CARMIL2: variants seen among roughly 807,000 people sequenced by gnomAD.
The protein encoded by CARMIL2 is capping protein regulator and myosin 1 linker 2.
In CARMIL2, 96 loss-of-function variants were observed where a neutral mutation model predicts 173.3. The ratio of observed to expected loss-of-function variants is 0.55; its 90% confidence interval spans 0.47 to 0.66. The LOEUF (loss-of-function observed/expected upper bound fraction) is 0.66, where lower values mean the gene tolerates loss of function less well. Among genes scored for constraint, CARMIL2 ranks in the 30% least tolerant of loss-of-function variants. CARMIL2 has a pLI of 0.00. For synonymous variants in CARMIL2, 830 were observed against 817.1 expected (o/e 1.02, Z -0.27); for missense variants, 1,771 against 1,906.7 (o/e 0.93, Z 1.33).
In CARMIL2 at chr16:67,648,419, C is replaced by A. The variant is rs1264471081; in HGVS notation, c.1356C>A (p.Ala452=). ...CCAGGAAGTCCCGCGCCGCGCCGGC[C>A]GCGCTGCAGCTCTTCCTCAGCCGCG... ...FSRTKSRAAP[A]ALQLFLSRAR... The change falls in exon 15 of 38, where the codon GCC becomes GCA. Residue 452 remains alanine (A), a synonymous_variant. Transcript: ENST00000334583. The surrounding 1 kb of genome is among the most constrained non-coding windows in gnomAD (Gnocchi z 6.1). The A allele has an allele frequency of 6.6e-7, 1 of 1,519,046 alleles. No homozygotes were observed. The highest frequency in any genetic ancestry group is 1.2e-5 in the South Asian group (1 of 82,550). 94.1% of individuals were successfully genotyped at this position (1,519,046 alleles called of 1,614,324 possible).
chr16:67,648,428 G>C lies in CARMIL2; in HGVS notation c.1365G>C (p.Gln455His). Residue 455 changes from glutamine (Q) to histidine (H), a missense_variant, in exon 15 of 38, where the codon CAG becomes CAC. Transcript: ENST00000334583. The surrounding 1 kb of genome is among the most constrained non-coding windows in gnomAD (Gnocchi z 6.1). ...CCCGCGCCGCGCCGGCCGCGCTGCAGCTCTTCCTCAGCCGCGCGCGGACGC... is the reference window on the plus strand; with the variant it reads ...CCCGCGCCGCGCCGGCCGCGCTGCACCTCTTCCTCAGCCGCGCGCGGACGC... Reference protein sequence around the residue: ...TKSRAAPAALQLFLSRARTLR... With the variant: ...TKSRAAPAALHLFLSRARTLR... 1.3e-6 allele frequency: 2 copies of C among 1,514,874 alleles called. No individual in the cohort carries two copies. Among genetic ancestry groups the C allele is most frequent in the South Asian group, 2.4e-5 (2 of 81,942 alleles). The allele number at this position is 1,514,874 out of a possible 1,614,324, so 93.8% of individuals were successfully genotyped here.
At chr16:67,654,713 G>T (rs766309274) in intron 31 of CARMIL2, 21 bp downstream of exon 31, 39 of 1,602,222 alleles carry the variant, frequency 2.4e-5, no homozygotes, top group Middle Eastern at 3.3e-4. Context: ...CTGATGGGGG[G>T]TGGTGAAGGC....
intron 35 of CARMIL2, 26 bp from the exon 36 acceptor site, chr16:67,656,775 A>G (rs1567638033): frequency 1.3e-6 from 2 of 1,549,956 alleles, no homozygotes; most frequent in Middle Eastern, 1.7e-4. Flanking sequence ...CTGTTGGAAT[A>G]CCCCTGATTC....
chr16:67,645,398 A>C, intron 1 of CARMIL2, 112 bp downstream of exon 1: 2 of 1,385,628 alleles, frequency 1.4e-6, no homozygotes, highest in South Asian at 1.2e-5. Context: ...CCTGCTCCCC[A>C]GGAGGGCAGG....
rs1471748418 is a variant in CARMIL2 at position 67,654,678 on chromosome 16, G to A, written c.3568G>A (p.Ala1190Thr). ...LPAEEEATLG[A>T]RPDKRRPLER... ...TGCCGAGGAGGAGGCAACGCTGGGT[G>A]CCAGACCCGACAAGGTGAGGCTTGC... Residue 1190 changes from alanine (A) to threonine (T), a missense_variant, in exon 31 of 38, where the codon GCC becomes ACC. Physicochemically the swap from Ala to Thr is moderately conservative, Grantham distance 58. Around this residue, in one of 3 missense-constraint regions of CARMIL2, gnomAD observed 817 missense variants for 903.5 expected, o/e 0.90. Transcript: ENST00000334583. 1 of 1,591,284 alleles carries A rather than the reference G, an allele frequency of 6.3e-7. No individual in the cohort carries two copies.
At position 67,654,607 on chromosome 16, in the gene CARMIL2, C is replaced by G. The variant is rs2052801705; in HGVS notation, c.3497C>G (p.Pro1166Arg). 1 of 1,604,632 alleles carries G rather than the reference C, an allele frequency of 6.2e-7. No individual in the cohort carries two copies. Among genetic ancestry groups the G allele is most frequent in the Non-Finnish European group, 8.5e-7 (1 of 1,175,242 alleles). The change falls in exon 31 of 38, where the codon CCT becomes CGT. Residue 1166 changes from proline (P) to arginine (R), a missense_variant. Pro to Arg is a moderately radical substitution (Grantham distance 103, BLOSUM62 -2). Around this residue, in one of 3 missense-constraint regions of CARMIL2, gnomAD observed 817 missense variants for 903.5 expected, o/e 0.90. Transcript: ENST00000334583. ...SSPDPAGRSRPRYTRDSKAYS... is the reference protein window; with the variant it reads ...SSPDPAGRSRRRYTRDSKAYS... ...CCTGACCCTGCCGGCAGGAGCCGAC[C>G]TCGCTACACAAGAGATAGCAAGGCC...
At chr16:67,656,122 C>G in intron 33 of CARMIL2, 55 bp downstream of exon 33, 3 of 1,610,788 alleles carry the variant, frequency 1.9e-6, no homozygotes, top group Non-Finnish European at 2.5e-6. Flanking sequence ...TCCTTATAGA[C>G]AGCCCCCAAG....
At position 67,646,461 on chromosome 16, in the gene CARMIL2, T is replaced by G. The variant is rs2052595527; in HGVS notation, c.410T>G (p.Leu137Arg). 3 of 1,613,508 alleles carry G rather than the reference T, an allele frequency of 1.9e-6. No homozygotes were observed. The highest frequency in any genetic ancestry group is 2.5e-6 in the Non-Finnish European group (3 of 1,179,856). The stretch of plus-strand genomic sequence containing the variant: ...CGGAGGCCCACACCAGCCTCCATGC[T>G]GGCTCGGCTGGAGAGAAGCAGCCCC... Reference protein sequence around the residue: ...LFRRPTPASMLARLERSSPSE... With the variant: ...LFRRPTPASMRARLERSSPSE... The change falls in exon 6 of 38, where the codon CTG (leucine) becomes CGG (arginine). Residue 137 changes from leucine to arginine, a missense_variant. Physicochemically the swap from Leu to Arg is moderately radical, Grantham distance 102. Transcript: ENST00000334583. This position sits in a 1 kb window ranked among gnomAD's most constrained non-coding sequence, Gnocchi z 4.6.
chr16:67,653,262 C>T lies in CARMIL2; in HGVS notation c.3120+8C>T, dbSNP rs1442910592. ...CCGCCGGGGGGCCCCCAGGTGAGCACCCTTCCCCCACTCCGGAGCGCGTGG... is the reference window on the plus strand; with the variant it reads ...CCGCCGGGGGGCCCCCAGGTGAGCATCCTTCCCCCACTCCGGAGCGCGTGG... On this transcript the variant is annotated splice_region_variant and intron_variant, in intron 29 of 37. Transcript: ENST00000334583. This position sits in a 1 kb window ranked among gnomAD's most constrained non-coding sequence, Gnocchi z 7.4. 3.5e-6 allele frequency: 4 copies of T among 1,129,184 alleles called. No homozygotes were observed. Among genetic ancestry groups the T allele is most frequent in the Non-Finnish European group, 4.4e-6 (4 of 917,640 alleles). 69.9% of individuals were successfully genotyped at this position (1,129,184 alleles called of 1,614,324 possible).
At position 67,654,656 on chromosome 16, in the gene CARMIL2, C is replaced by T. The variant is rs530599577; in HGVS notation, c.3546C>T (p.Ala1182=). The T allele has an allele frequency of 6.1e-5, 97 of 1,585,734 alleles. No individual in the cohort carries two copies. Among genetic ancestry groups the T allele is most frequent in the Non-Finnish European group, 7.6e-5 (89 of 1,164,532 alleles). ...SKAYSMILLP[A]EEEATLGARP... is the part of the protein sequence containing the mutation. Reference sequence around the variant, plus strand: ...CCTACTCGATGATACTGCTGCCTGCCGAGGAGGAGGCAACGCTGGGTGCCA... The same window carrying T: ...CCTACTCGATGATACTGCTGCCTGCTGAGGAGGAGGCAACGCTGGGTGCCA... Residue 1182 remains alanine, a synonymous_variant, in exon 31 of 38, where the codon GCC becomes GCT. Coordinates refer to ENST00000334583, the MANE Select transcript of CARMIL2 (RefSeq NM_001013838.3).
At position 67,653,052 on chromosome 16, in the gene CARMIL2, TG is replaced by T; in HGVS notation, c.2920del (p.Ala974ArgfsTer95). On this transcript the variant is annotated frameshift_variant, in exon 29 of 38. Transcript: ENST00000334583. LOFTEE classifies it high-confidence loss of function. The surrounding 1 kb of genome is among the most constrained non-coding windows in gnomAD (Gnocchi z 7.4). ...AAEEAEPEPE[L>X]AAPGEDAEPQ... ...GAGGAAGCGGAGCCGGAGCCCGAGC[TG>T]GCGGCTCCGGGAGAAGATGCAGAGC... is the stretch of plus-strand genomic sequence containing the variant. 1.6e-6 allele frequency: 2 copies of T among 1,271,334 alleles called. No individual in the cohort carries two copies. Among genetic ancestry groups the T allele is most frequent in the Admixed American group, 3.8e-5 (1 of 26,366 alleles). The allele number at this position is 1,271,334 out of a possible 1,614,324, so 78.8% of individuals were successfully genotyped here.
rs1182163022 is a variant in CARMIL2, at chr16:67,645,729, G to A, written c.138G>A (p.Leu46=). 1 of 1,613,230 alleles carries A rather than the reference G, an allele frequency of 6.2e-7. No individual in the cohort carries two copies. Among genetic ancestry groups the A allele is most frequent in the African/African-American group, 1.3e-5 (1 of 74,956 alleles). The change falls in exon 3 of 38, where the codon CTG becomes CTA. Residue 46 remains leucine, a synonymous_variant. Coordinates refer to ENST00000334583, the MANE Select transcript of CARMIL2 (RefSeq NM_001013838.3). ...EGAVQNHVLA[L]LRWRAYLLHT... is the part of the protein sequence containing the mutation. ...ATCAGACTGTCTTTCCCCAGGCACT[G>A]CTACGATGGAGAGCCTACCTGCTGC...
At position 67,654,369 on chromosome 16, in the gene CARMIL2, G is replaced by C. The variant is rs375479502; in HGVS notation, c.3259G>C (p.Ala1087Pro). ...GGAGGACCCGGCCACTGAGGGGGGC[G>C]CCACTCCTGTCCCCCGTACACTGCG... ...PEEDPATEGG[A>P]TPVPRTLRKK... Residue 1087 changes from alanine (A) to proline (P), a missense_variant, in exon 31 of 38, where the codon GCC becomes CCC. Around this residue, in one of 3 missense-constraint regions of CARMIL2, gnomAD observed 817 missense variants for 903.5 expected, o/e 0.90. Transcript: ENST00000334583. The C allele has an allele frequency of 2.3e-4, 366 of 1,603,332 alleles. 4 individuals carry two copies. In the South Asian group the frequency reaches 3.8e-3, roughly 17 times the overall value.
Position 67,652,554 on chromosome 16 carries a change from G to T in CARMIL2, c.2884+16G>T. 6.2e-7 allele frequency: 1 copy of T among 1,612,280 alleles called. No individual in the cohort carries two copies. The highest frequency in any genetic ancestry group is 8.5e-7 in the Non-Finnish European group (1 of 1,179,050). On this transcript the variant is annotated intron_variant, in intron 28 of 37. Transcript: ENST00000334583. The surrounding 1 kb of genome is among the most constrained non-coding windows in gnomAD (Gnocchi z 4.7). ...TTCATTCACAGTAAGTCAGGGCCTT[G>T]GGGGAGGGAGTTTACGTGGGTGGGC... is the stretch of plus-strand genomic sequence containing the variant.
Position 67,647,362 on chromosome 16 carries a change from G to A in CARMIL2, c.751G>A (p.Val251Met), listed in dbSNP as rs1241194958. 9 of 1,582,776 alleles carry A rather than the reference G, an allele frequency of 5.7e-6. No individual in the cohort carries two copies. The highest frequency in any genetic ancestry group is 1.8e-5 in the Admixed American group (1 of 54,338). Residue 251 changes from valine (V) to methionine (M), a missense_variant, in exon 10 of 38, where the codon GTG becomes ATG. Transcript: ENST00000334583. ...TCAGTCATCACACCTGGAGGAGCTG[G>A]TGCTGGAGACCTGCAGCCTGAGGGG... is the stretch of plus-strand genomic sequence containing the variant. ...MSQSSHLEEL[V>M]LETCSLRGDF... is the part of the protein sequence containing the mutation.
In CARMIL2 at chr16:67,648,083, T is replaced by G. The variant is rs1041996427; in HGVS notation, c.1103T>G (p.Val368Gly). 3 of 1,612,582 alleles carry G rather than the reference T, an allele frequency of 1.9e-6. No individual in the cohort carries two copies. Among genetic ancestry groups the G allele is most frequent in the Non-Finnish European group, 2.5e-6 (3 of 1,179,488 alleles). ...TATAGCTTCCTGAGCCGTCCTAACG[T>G]ACTGTCGTTCCTGAATCTCGCAGGC... ...GLYSFLSRPN[V>G]LSFLNLAGTD... is the part of the protein sequence containing the mutation. Residue 368 changes from valine (V) to glycine (G), a missense_variant, in exon 14 of 38, where the codon GTA (valine) becomes GGA (glycine). Physicochemically the swap from Val to Gly is moderately radical, Grantham distance 109. Coordinates refer to ENST00000334583, the MANE Select transcript of CARMIL2 (RefSeq NM_001013838.3). The surrounding 1 kb of genome is among the most constrained non-coding windows in gnomAD (Gnocchi z 6.1).
chr16:67,646,308 T>G lies in CARMIL2; in HGVS notation c.372T>G (p.Leu124=). ...AIKKVFPRST[L]GKLFRRPTPA... ...AGAAGGTCTTCCCTCGCTCGACCCTTGGGTGAGGCCTGGCAAATTCGAGGG... is the reference window on the plus strand; with the variant it reads ...AGAAGGTCTTCCCTCGCTCGACCCTGGGGTGAGGCCTGGCAAATTCGAGGG... Residue 124 remains leucine (L), a splice_region_variant and synonymous_variant, in exon 5 of 38, where the codon CTT becomes CTG. Coordinates refer to ENST00000334583, the MANE Select transcript of CARMIL2 (RefSeq NM_001013838.3). This position sits in a 1 kb window ranked among gnomAD's most constrained non-coding sequence, Gnocchi z 4.6. 6.2e-7 allele frequency: 1 copy of G among 1,613,232 alleles called. No homozygotes were observed. The highest frequency in any genetic ancestry group is 8.5e-7 in the Non-Finnish European group (1 of 1,179,556).
chr16:67,651,490 C>A lies in CARMIL2; in HGVS notation c.2403C>A (p.Gly801=). 1 of 1,593,428 alleles carries A rather than the reference C, an allele frequency of 6.3e-7. No homozygotes were observed. Among genetic ancestry groups the A allele is most frequent in the Non-Finnish European group, 8.6e-7 (1 of 1,169,242 alleles). Residue 801 remains glycine, a synonymous_variant, in exon 24 of 38, where the codon GGC becomes GGA. Transcript: ENST00000334583. This position sits in a 1 kb window ranked among gnomAD's most constrained non-coding sequence, Gnocchi z 4.2. Reference sequence around the variant, plus strand: ...TGGAGGGCCTTCTGAGACAGGTGGGCGAGGTCTGCCGCCAGGACATCCAGG... The same window carrying A: ...TGGAGGGCCTTCTGAGACAGGTGGGAGAGGTCTGCCGCCAGGACATCCAGG... ...QKLEGLLRQV[G]EVCRQDIQDF... is the part of the protein sequence containing the mutation.
rs917765021 is a variant in CARMIL2, at chr16:67,648,285, C to T, written c.1305C>T (p.Leu435=). The part of the protein sequence containing the change: ...SRGCCTSLTH[L]DASRNVFSRT... ...GCTGCTGCACCAGCCTTACCCACCT[C>T]GACGCTTCGAGGAACGTCTTCTCCC... Residue 435 remains leucine, a synonymous_variant, in exon 14 of 38, where the codon CTC becomes CTT. Transcript: ENST00000334583. The surrounding 1 kb of genome is among the most constrained non-coding windows in gnomAD (Gnocchi z 6.1). 2 of 1,594,588 alleles carry T rather than the reference C, an allele frequency of 1.3e-6. No individual in the cohort carries two copies. Among genetic ancestry groups the T allele is most frequent in the Non-Finnish European group, 1.7e-6 (2 of 1,176,540 alleles).
Sources: allele counts gnomAD v4.1 joint callset, GRCh38; gene constraint gnomAD v4.1.1; regional missense constraint gnomAD v4.1.1; non-coding constraint Gnocchi (gnomAD v3.1); transcripts MANE v1.5; gene names NCBI Gene and HGNC (gene_info 2026-07-23, HGNC 2026-07-21).